The following ICA1 variants were observed in gnomAD, a reference collection of about 807,000 sequenced individuals.
ICA1 encodes the protein islet cell autoantigen 1.
A neutral mutation model predicts 71.0 loss-of-function variants in ICA1; 40 were observed. That is an observed-to-expected ratio of 0.56 (90% CI 0.44 to 0.73). The LOEUF is 0.73. ICA1 is among the 30% of genes least tolerant of loss of function. ICA1 has a pLI of 0.00. For missense variants in ICA1, 578 were observed against 576.5 expected (o/e 1.00, Z -0.03); for synonymous variants, 207 against 209.5 (o/e 0.99, Z 0.10).
chr7:8,170,026 A>C (rs770993947), intron 6 of ICA1, among the ~76,000 whole-genome samples: 4 of 151,984 alleles, frequency 2.6e-5, no homozygotes, highest in Non-Finnish European at 5.9e-5. Flanking sequence ...TATTACATTT[A>C]GACTTGAGAT....
At chr7:8,176,141 C>T (rs1166526998) in intron 6 of ICA1, among the ~76,000 whole-genome samples, 2 of 152,216 alleles carry the variant, frequency 1.3e-5, no homozygotes, top group Non-Finnish European at 2.9e-5. Flanking sequence ...TCCTCTTGTA[C>T]GAAACACAAA....
rs1787933883 is a variant in ICA1, at chr7:8,123,745, T to C, written c.1330+4128A>G. On this transcript the variant is annotated intron_variant, in intron 13 of 13. Coordinates refer to ENST00000402384, the MANE Select transcript of ICA1 (RefSeq NM_001136020.3). This position sits in a 1 kb window ranked among gnomAD's most constrained non-coding sequence, Gnocchi z 4.1. Reference sequence around the variant, plus strand: ...AGGGTGTCATTACAAGTCCTGCCCCTCTGACGGCTTCCTAAGAGAGGTCTG... The same window carrying C: ...AGGGTGTCATTACAAGTCCTGCCCCCCTGACGGCTTCCTAAGAGAGGTCTG... Among the ~76,000 whole-genome samples, 1 of 152,196 alleles carries C rather than the reference T, an allele frequency of 6.6e-6. No individual in the cohort carries two copies. The highest frequency in any genetic ancestry group is 1.5e-5 in the Non-Finnish European group (1 of 68,032).
intron 13 of ICA1, among the ~76,000 whole-genome samples, chr7:8,120,939 G>A (rs935045414): frequency 1.9e-4 from 29 of 152,332 alleles, no homozygotes; most frequent in Non-Finnish European, 3.7e-4. Context: ...GGGGCTGCCC[G>A]TGAAGGGGAG....
intron 6 of ICA1, among the ~76,000 whole-genome samples, chr7:8,203,763 C>G (rs988710198): frequency 2.0e-5 from 3 of 152,170 alleles, no homozygotes; most frequent in African/African-American, 7.2e-5. Flanking sequence ...TGCTACTTTC[C>G]TCTTATGACC....
rs547505756 is a variant in ICA1, at chr7:8,162,567, T to G, written c.580-3915A>C. On this transcript the variant is annotated intron_variant, in intron 6 of 13. Transcript: ENST00000402384. ...TAATTTCATATGCCTCCAGATGCAC[T>G]TAAGTGACAAACGTCTTGATTATTA... is the stretch of plus-strand genomic sequence containing the variant. Among the ~76,000 whole-genome samples, 6 of 152,326 alleles carry G rather than the reference T, an allele frequency of 3.9e-5. No individual in the cohort carries two copies. The East Asian group carries it at 7.7e-4, about 20-fold the overall frequency.
intron 6 of ICA1, among the ~76,000 whole-genome samples, chr7:8,210,422 A>C (rs1442387049): frequency 3.3e-5 from 5 of 152,248 alleles, no homozygotes; most frequent in Non-Finnish European, 7.3e-5. Context: ...TCAGGACATA[A>C]ACACATCATG....
chr7:8,204,638 G>A (rs1217680298), intron 6 of ICA1, among the ~76,000 whole-genome samples: 3 of 152,180 alleles, frequency 2.0e-5, no homozygotes, highest in Non-Finnish European at 2.9e-5. Context: ...ATTGTTCATT[G>A]TGGAGTTTAA....
At chr7:8,249,763 A>G (rs1169281432) in intron 1 of ICA1, among the ~76,000 whole-genome samples, 1 of 152,250 alleles carries the variant, frequency 6.6e-6, no homozygotes, top group Non-Finnish European at 1.5e-5. Flanking sequence ...CAATAATTTT[A>G]CAGAACTCAA....
chr7:8,138,823 A>G lies in ICA1; in HGVS notation c.1060+17T>C. 1.3e-6 allele frequency: 2 copies of G among 1,559,286 alleles called. No homozygotes were observed. The highest frequency in any genetic ancestry group is 1.8e-6 in the Non-Finnish European group (2 of 1,134,284). ...AATCAAACAAATCATAATCCCAAAG[A>G]AACACATAAATCTTACCACCTTCCT... On this transcript the variant is annotated intron_variant, in intron 12 of 13. Transcript: ENST00000402384.
intron 6 of ICA1, among the ~76,000 whole-genome samples, chr7:8,178,311 C>T (rs1781199639): frequency 6.6e-6 from 1 of 152,102 alleles, no homozygotes; most frequent in Admixed American, 6.5e-5. Flanking sequence ...GAAAGCAGTT[C>T]GTTATATACC....
chr7:8,139,126 A>T (rs2128116062), intron 10 of ICA1, 79 bp from the exon 11 acceptor site: 1 of 1,115,020 alleles, frequency 9.0e-7, no homozygotes, highest in East Asian at 2.4e-5. Context: ...GTGTAAGGTA[A>T]ATGCACGGCT....
chr7:8,186,569 G>A (rs980380579), intron 6 of ICA1, among the ~76,000 whole-genome samples: 39 of 152,306 alleles, frequency 2.6e-4, no homozygotes, highest in African/African-American at 8.2e-4. Flanking sequence ...ACAGGGGATG[G>A]ATGACAGAGA....
chr7:8,159,516 AG>A (rs1454137514), intron 6 of ICA1, among the ~76,000 whole-genome samples: 5 of 152,264 alleles, frequency 3.3e-5, no homozygotes, highest in Non-Finnish European at 7.4e-5. Context: ...GTTTGAGACC[AG>A]CCTGGGCAAA....
At chr7:8,197,314 G>T (rs955735246) in intron 6 of ICA1, among the ~76,000 whole-genome samples, 1 of 151,642 alleles carries the variant, frequency 6.6e-6, no homozygotes, top group Non-Finnish European at 1.5e-5. Flanking sequence ...CAGCACTTTG[G>T]GAGGCCGAAG....
intron 6 of ICA1, among the ~76,000 whole-genome samples, chr7:8,201,437 A>G (rs982680858): frequency 1.3e-5 from 2 of 152,184 alleles, no homozygotes; most frequent in Admixed American, 6.5e-5. Flanking sequence ...GGGGCCTTCA[A>G]TCAGGGAACT....
chr7:8,203,280 C>A (rs1393503342), intron 6 of ICA1, among the ~76,000 whole-genome samples: 3 of 152,012 alleles, frequency 2.0e-5, no homozygotes, highest in Non-Finnish European at 4.4e-5. Context: ...TAGTAGAGTT[C>A]CTGGGAAATC....
intron 1 of ICA1, among the ~76,000 whole-genome samples, chr7:8,254,228 T>C (rs1029885783): frequency 6.6e-6 from 1 of 152,090 alleles, no homozygotes; most frequent in Non-Finnish European, 1.5e-5. Flanking sequence ...GTTTATAAAA[T>C]GTGTATGCTG....
At chr7:8,230,190 C>T (rs774997918) in intron 3 of ICA1, among the ~76,000 whole-genome samples, 3 of 152,190 alleles carry the variant, frequency 2.0e-5, no homozygotes, top group Non-Finnish European at 4.4e-5. Flanking sequence ...TGTTATTGTA[C>T]TGAAGAGCTG....
intron 10 of ICA1, among the ~76,000 whole-genome samples, chr7:8,140,229 G>A (rs1794745777): frequency 6.6e-6 from 1 of 152,172 alleles, no homozygotes; most frequent in Admixed American, 6.5e-5. Flanking sequence ...GGTACACTGA[G>A]GCTGGAGAGC....
Sources: allele counts gnomAD v4.1 joint callset (sites outside exome capture counted in the v4.1 genomes callset), GRCh38; gene constraint gnomAD v4.1.1; non-coding constraint Gnocchi (gnomAD v3.1); transcripts MANE v1.5; gene names NCBI Gene and HGNC (gene_info 2026-07-23, HGNC 2026-07-21).